PPARA: variants seen among roughly 807,000 people sequenced by gnomAD.
The protein encoded by PPARA is peroxisome proliferator activated receptor alpha.
Under a neutral mutation model 42.2 loss-of-function variants are expected in PPARA, and 22 were observed. The observed-to-expected ratio is 0.52, with a 90% CI of 0.37 to 0.74. PPARA has a LOEUF of 0.74. PPARA is among the 30% of genes least tolerant of loss of function. The probability of loss-of-function intolerance (pLI) is 0.00; values close to 1 mark genes in which losing one functional copy is unlikely to be tolerated. For missense variants in PPARA, 465 were observed against 608.2 expected (o/e 0.76, Z 2.48); for synonymous variants, 242 against 239.3 (o/e 1.01, Z -0.10).
chr22:46,207,043 T>C (rs1933380676), intron 4 of PPARA, among the ~76,000 whole-genome samples: 1 of 151,802 alleles, frequency 6.6e-6, no homozygotes, highest in Non-Finnish European at 1.5e-5. Context: ...ACCAATAAGG[T>C]GAAACCCTGT....
chr22:46,223,205 C>G (rs1395956710), intron 7 of PPARA, among the ~76,000 whole-genome samples: 1 of 152,098 alleles, frequency 6.6e-6, no homozygotes, highest in Non-Finnish European at 1.5e-5. Context: ...AACCTGCCCC[C>G]ACCATGGGGT....
At chr22:46,202,183 G>A (rs892667951) in intron 4 of PPARA, among the ~76,000 whole-genome samples, 1 of 152,136 alleles carries the variant, frequency 6.6e-6, no homozygotes, top group African/African-American at 2.4e-5. Context: ...TTAAACACAG[G>A]ACCCCTTATT....
chr22:46,157,628 C>T (rs1447977243), intron 2 of PPARA, among the ~76,000 whole-genome samples: 1 of 152,126 alleles, frequency 6.6e-6, no homozygotes, highest in Admixed American at 6.6e-5. Flanking sequence ...TAAATAAAAT[C>T]CTCTTTCTTT....
At chr22:46,155,116 G>A (rs1250397303) in intron 2 of PPARA, 2 of 146,892 alleles carry the variant, frequency 1.4e-5, no homozygotes, top group Middle Eastern at 3.4e-3. Context: ...ATTGGTTTCT[G>A]TGTGTGGATG....
rs961347630 is a variant in PPARA, at chr22:46,201,941, A to G, written c.208+3350A>G. On this transcript the variant is annotated intron_variant, in intron 4 of 8. Transcript: ENST00000407236. Reference sequence around the variant, plus strand: ...CTTTTTTGCCTTTCTTTTTTAAGGCAGGCAGGCTCCCGCAGCCCCACCCCC... The same window carrying G: ...CTTTTTTGCCTTTCTTTTTTAAGGCGGGCAGGCTCCCGCAGCCCCACCCCC... Among the ~76,000 whole-genome samples, 11 of 152,194 alleles carry G rather than the reference A, an allele frequency of 7.2e-5. No individual in the cohort carries two copies. The East Asian group carries it at 1.5e-3, about 21-fold the overall frequency.
At chr22:46,169,104 C>T (rs371464762) in intron 2 of PPARA, among the ~76,000 whole-genome samples, 48 of 151,852 alleles carry the variant, frequency 3.2e-4, no homozygotes, top group Middle Eastern at 3.4e-3. Context: ...GGTACCGTAA[C>T]GATGAATACA....
chr22:46,189,214 C>G (rs1931222904), intron 3 of PPARA, among the ~76,000 whole-genome samples: 1 of 152,198 alleles, frequency 6.6e-6, no homozygotes, highest in Admixed American at 6.5e-5. Context: ...TCACCATCCA[C>G]AAAGGTAAGA....
At chr22:46,215,568 T>A (rs1299696311) in intron 5 of PPARA, among the ~76,000 whole-genome samples, 2 of 151,756 alleles carry the variant, frequency 1.3e-5, no homozygotes, top group Non-Finnish European at 2.9e-5. Flanking sequence ...TGAAACCCTG[T>A]CTCTACTAAA....
intron 5 of PPARA, 134 bp from the exon 6 acceptor site, chr22:46,218,129 C>G: frequency 8.1e-7 from 1 of 1,234,854 alleles, no homozygotes; most frequent in Non-Finnish European, 1.1e-6. Context: ...CATGCCTGGC[C>G]TGGAATAACT....
At position 46,220,005 on chromosome 22, in the gene PPARA, T is replaced by C. The variant is rs1231850778; in HGVS notation, c.702T>C (p.Ser234=). The C allele has an allele frequency of 6.2e-7, 1 of 1,613,958 alleles. No homozygotes were observed. The highest frequency in any genetic ancestry group is 1.3e-5 in the African/African-American group (1 of 74,936). Residue 234 remains serine, a synonymous_variant, in exon 7 of 9, where the codon AGT becomes AGC. Transcript: ENST00000407236. ...KARVILSGKA[S]NNPPFVIHDM... is the part of the protein sequence containing the mutation. ...GGGTCATCCTCTCAGGAAAGGCCAG[T>C]AACAATCCAGTAGGTGTTTGCGGCT...
chr22:46,215,930 G>GA (rs1448833157), intron 5 of PPARA, among the ~76,000 whole-genome samples: 29 of 152,058 alleles, frequency 1.9e-4, no homozygotes, highest in African/African-American at 6.8e-4. Context: ...CTTTCATCCT[G>GA]AAACTATCCC....
At position 46,216,888 on chromosome 22, in the gene PPARA, C is replaced by T. The variant is rs1337935391; in HGVS notation, c.370-1375C>T. 6.6e-6 allele frequency among the ~76,000 whole-genome samples: 1 copy of T among 152,212 alleles called. No homozygotes were observed. Among genetic ancestry groups the T allele is most frequent in the Admixed American group, 6.5e-5 (1 of 15,282 alleles). On this transcript the variant is annotated intron_variant, in intron 5 of 8. Transcript: ENST00000407236. The surrounding 1 kb of genome is among the most constrained non-coding windows in gnomAD (Gnocchi z 4.5). ...GTGCTCAAGTCTGGCGCCTTATGTA[C>T]GTGATATGTGGGAGATCATCATCTG...
At chr22:46,208,901 TGTGTGTGTGTGTGTGC>T (rs749135546) in intron 4 of PPARA, among the ~76,000 whole-genome samples, 1 of 94,412 alleles carries the variant, frequency 1.1e-5, no homozygotes, top group Non-Finnish European at 2.8e-5. Flanking sequence ...ATAGTATTCG[TGTGTGTGTGTGTGTGC>T]GTGTGTGTGT....
chr22:46,220,468 C>T (rs558355450), intron 7 of PPARA: 375 of 227,908 alleles, frequency 1.6e-3, no homozygotes, highest in Non-Finnish European at 2.3e-3. Context: ...GTGTGCACCA[C>T]CACACCTGGC....
chr22:46,188,843 C>T lies in PPARA; in HGVS notation c.-42-9499C>T, dbSNP rs986975886. ...CTCAGGTGCGTACTCATGTGTTCCA[C>T]GAGTTCAAGCCTCAGCCCTGTAAAG... On this transcript the variant is annotated intron_variant, in intron 3 of 8. Transcript: ENST00000407236. This position sits in a 1 kb window ranked among gnomAD's most constrained non-coding sequence, Gnocchi z 5.0. The T allele has an allele frequency of 1.3e-5, 2 of 152,162 alleles. No individual in the cohort carries two copies. Among genetic ancestry groups the T allele is most frequent in the African/African-American group, 4.8e-5 (2 of 41,420 alleles). The allele number at this position is 152,162 out of a possible 1,614,324, so 9.4% of individuals were successfully genotyped here. A position where few individuals can be genotyped will look rare whatever the true frequency, so the allele number is the denominator to read the frequency against.
chr22:46,218,229 A>G, intron 5 of PPARA, 34 bp from the exon 6 acceptor site: 2 of 1,613,592 alleles, frequency 1.2e-6, no homozygotes, highest in Non-Finnish European at 1.7e-6. Flanking sequence ...TCAGTGGCCC[A>G]GGTCTTTAAA....
rs1335741254 is a variant in PPARA at position 46,182,135 on chromosome 22, CA to C, written c.-43+5300del. Among the ~76,000 whole-genome samples the C allele has an allele frequency of 6.6e-6, 1 of 152,186 alleles. No homozygotes were observed. The highest frequency in any genetic ancestry group is 1.9e-4 in the East Asian group (1 of 5,202). ...TGCTGGGATTACAGGTGTGAACCAC[CA>C]TGCCCAGCCAGCAGTTTCTTATAAA... On this transcript the variant is annotated intron_variant, in intron 3 of 8. Transcript: ENST00000407236. The surrounding 1 kb of genome is among the most constrained non-coding windows in gnomAD (Gnocchi z 5.2).
chr22:46,153,351 G>A (rs1924768535), intron 2 of PPARA, among the ~76,000 whole-genome samples: 3 of 151,558 alleles, frequency 2.0e-5, no homozygotes, highest in Non-Finnish European at 4.4e-5. Context: ...TGTATTTTTA[G>A]TAGAGGTGGG....
chr22:46,217,986 A>C (rs897854201), intron 5 of PPARA, among the ~76,000 whole-genome samples: 1 of 151,626 alleles, frequency 6.6e-6, no homozygotes, highest in African/African-American at 2.4e-5. Flanking sequence ...TTACATCACC[A>C]TGCCCGGCTA....
Sources: gnomAD v4.1 joint callset for allele counts (sites outside exome capture counted in the v4.1 genomes callset) on GRCh38, gnomAD v4.1.1 for gene constraint, Gnocchi (gnomAD v3.1) non-coding constraint, MANE v1.5 for transcripts, NCBI Gene and HGNC (gene_info 2026-07-23, HGNC 2026-07-21) for gene names.